The following SERPINA5 variants were observed in gnomAD, a reference collection of about 807,000 sequenced individuals.
SERPINA5 encodes plasma serine protease inhibitor.
SERPINA5 carries 25 observed loss-of-function variants against 25.3 expected under a neutral mutation model. That is an observed-to-expected ratio of 0.99 (90% confidence interval 0.72 to 1.38). The LOEUF (loss-of-function observed/expected upper bound fraction) is 1.38. Ranked by LOEUF, SERPINA5 falls within the 40% of genes most tolerant of loss-of-function variation. The probability of loss-of-function intolerance (pLI) is 0.00; values close to 1 mark genes in which losing one functional copy is unlikely to be tolerated. For synonymous variants in SERPINA5, 234 were observed against 206.2 expected (o/e 1.14, Z -1.16); for missense variants, 599 against 509.5 (o/e 1.18, Z -1.69).
At chr14:94,585,796 T>TGTGTGCGC (rs1555384392) in intron 2 of SERPINA5, among the ~76,000 whole-genome samples, 2 of 132,580 alleles carry the variant, frequency 1.5e-5, no homozygotes, top group Admixed American at 7.3e-5. Flanking sequence ...TGTGTGTGTG[T>TGTGTGCGC]GTGTGTGTAA....
chr14:94,588,763 G>A (rs1885180003), intron 3 of SERPINA5, among the ~76,000 whole-genome samples: 1 of 152,206 alleles, frequency 6.6e-6, no homozygotes, highest in Non-Finnish European at 1.5e-5. Context: ...AGGCTGAGAA[G>A]TCCAGGATCA....
chr14:94,584,633 G>A (rs61976073), intron 2 of SERPINA5, among the ~76,000 whole-genome samples: 7,811 of 152,238 alleles, frequency 0.051, 268 homozygotes, highest in Non-Finnish European at 0.078. Context: ...GGTGAGGCTT[G>A]CCCAGGGTGA....
chr14:94,590,222 C>T lies in SERPINA5; in HGVS notation c.801C>T (p.Phe267=), dbSNP rs1243892853. Residue 267 remains phenylalanine, a synonymous_variant, in exon 4 of 6, where the codon TTC becomes TTT. Transcript: ENST00000329597. The part of the protein sequence containing the change: ...VPYQGNATAL[F]ILPSEGKMQQ... ...ACCAAGGCAATGCCACGGCTTTGTTCATTCTCCCCAGTGAGGGAAAGATGC... is the reference window on the plus strand; with the variant it reads ...ACCAAGGCAATGCCACGGCTTTGTTTATTCTCCCCAGTGAGGGAAAGATGC... The T allele has an allele frequency of 1.2e-6, 2 of 1,614,028 alleles. No homozygotes were observed. Among genetic ancestry groups the T allele is most frequent in the South Asian group, 2.2e-5 (2 of 91,072 alleles).
intron 5 of SERPINA5, among the ~76,000 whole-genome samples, chr14:94,591,388 T>C (rs1034889622): frequency 4.6e-5 from 7 of 151,632 alleles, no homozygotes; most frequent in African/African-American, 7.3e-5. Flanking sequence ...TCCACTCCAC[T>C]CCACTCTATT....
intron 5 of SERPINA5, 70 bp downstream of exon 5, chr14:94,590,966 A>T: frequency 6.9e-7 from 1 of 1,444,816 alleles, no homozygotes; most frequent in Non-Finnish European, 9.3e-7. Flanking sequence ...ATTCTACTCT[A>T]CCCCATTTCA....
chr14:94,590,649 C>A, intron 4 of SERPINA5, 100 bp from the exon 5 acceptor site: 3 of 1,360,472 alleles, frequency 2.2e-6, no homozygotes, highest in Non-Finnish European at 3.0e-6. Flanking sequence ...TTTTTTAAAA[C>A]CATCAAAACT....
At chr14:94,587,281 T>G (rs1326371688) in intron 2 of SERPINA5, 65 bp from the exon 3 acceptor site, 1 of 1,422,076 alleles carries the variant, frequency 7.0e-7, no homozygotes, top group African/African-American at 1.4e-5. Context: ...GGTGGGGACA[T>G]CTCTGGAAAG....
intron 3 of SERPINA5, among the ~76,000 whole-genome samples, chr14:94,589,731 G>A (rs1043935983): frequency 5.3e-5 from 8 of 152,236 alleles, no homozygotes; most frequent in Non-Finnish European, 1.0e-4. Context: ...TTCACTTGGA[G>A]ATTTGGTCTT....
At chr14:94,591,449 C>T (rs1333369015) in intron 5 of SERPINA5, among the ~76,000 whole-genome samples, 3 of 151,770 alleles carry the variant, frequency 2.0e-5, no homozygotes, top group Non-Finnish European at 2.9e-5. Flanking sequence ...CCATTGCAGT[C>T]AACTCCACTC....
rs951725621 is a variant in SERPINA5, at chr14:94,592,662, C to A, written c.*423C>A. The A allele has an allele frequency of 6.9e-5, 11 of 160,122 alleles. No individual in the cohort carries two copies. Among genetic ancestry groups the A allele is most frequent in the African/African-American group, 2.4e-4 (10 of 41,790 alleles). The allele number at this position is 160,122 out of a possible 1,614,324, so 9.9% of individuals were successfully genotyped here. A position where few individuals can be genotyped will look rare whatever the true frequency, so the allele number is the denominator to read the frequency against. On this transcript the variant is annotated 3_prime_UTR_variant, in exon 6 of 6. Transcript: ENST00000329597. The stretch of plus-strand genomic sequence containing the variant: ...AGGCTGGTCCCACACTTATCAGCAG[C>A]AACAACTGTCAGTTCATCCTGCATG...
intron 2 of SERPINA5, among the ~76,000 whole-genome samples, chr14:94,582,830 A>C (rs1884956289): frequency 6.6e-6 from 1 of 152,228 alleles, no homozygotes; most frequent in Non-Finnish European, 1.5e-5. Flanking sequence ...CTTTGAGAGA[A>C]AGAGTCAAGG....
At position 94,590,764 on chromosome 14, in the gene SERPINA5, C is replaced by T; in HGVS notation, c.906C>T (p.Tyr302=). The T allele has an allele frequency of 1.9e-6, 3 of 1,613,932 alleles. No homozygotes were observed. The highest frequency in any genetic ancestry group is 2.5e-6 in the Non-Finnish European group (3 of 1,179,888). The change falls in exon 5 of 6, where the codon TAC becomes TAT. Residue 302 remains tyrosine, a synonymous_variant. Coordinates refer to ENST00000329597, the MANE Select transcript of SERPINA5 (RefSeq NM_000624.6). ...KMFKKRQLEL[Y]LPKFSIEGSY... is the part of the protein sequence containing the mutation. Reference sequence around the variant, plus strand: ...CCCTTTCCAGGCAGCTCGAGCTTTACCTTCCCAAATTCTCCATTGAGGGCT... The same window carrying T: ...CCCTTTCCAGGCAGCTCGAGCTTTATCTTCCCAAATTCTCCATTGAGGGCT...
In SERPINA5 at chr14:94,590,156, C is replaced by T. The variant is rs781469331; in HGVS notation, c.735C>T (p.Leu245=). ...GCCGCGAGGATCAGTATCACTACCT[C>T]CTGGACCGGAACCTCTCCTGCAGGG... ...MMSREDQYHY[L]LDRNLSCRVV... The change falls in exon 4 of 6, where the codon CTC becomes CTT. Residue 245 remains leucine (L), a synonymous_variant. Coordinates refer to ENST00000329597, the MANE Select transcript of SERPINA5 (RefSeq NM_000624.6). 37 of 1,614,088 alleles carry T rather than the reference C, an allele frequency of 2.3e-5. No homozygotes were observed. Among genetic ancestry groups the T allele is most frequent in the Non-Finnish European group, 2.8e-5 (33 of 1,180,038 alleles).
chr14:94,584,394 G>T (rs964190225), intron 2 of SERPINA5, among the ~76,000 whole-genome samples: 3 of 152,152 alleles, frequency 2.0e-5, no homozygotes, highest in African/African-American at 7.2e-5. Flanking sequence ...CTGAAAAGTA[G>T]AGAGAGTTGG....
rs146705260 is a variant in SERPINA5, at chr14:94,590,882, A to G, written c.1024A>G (p.Ile342Val). The change falls in exon 5 of 6, where the codon ATC becomes GTC. Residue 342 changes from isoleucine to valine, a missense_variant. Physicochemically the swap from Ile to Val is conservative, Grantham distance 29 (BLOSUM62 3). Coordinates refer to ENST00000329597, the MANE Select transcript of SERPINA5 (RefSeq NM_000624.6). ...DLSGISNHSNIQVSEMVHKAV... is the reference protein window; with the variant it reads ...DLSGISNHSNVQVSEMVHKAV... The stretch of plus-strand genomic sequence containing the variant: ...GTCCGGCATCAGCAACCACTCAAAT[A>G]TCCAGGTGTCTGAGGTGGGTTCAGA... 224 of 1,611,028 alleles carry G rather than the reference A, an allele frequency of 1.4e-4. 1 individual carries two copies. In the African/African-American group the frequency reaches 2.3e-3, roughly 17 times the overall value.
At chr14:94,591,539 A>ATTCTG (rs1247354365) in intron 5 of SERPINA5, among the ~76,000 whole-genome samples, 19 of 138,434 alleles carry the variant, frequency 1.4e-4, no homozygotes, top group East Asian at 8.5e-4. Context: ...CCACTCCTTT[A>ATTCTG]TTCTGTTCTG....
chr14:94,583,100 T>A (rs1264020890), intron 2 of SERPINA5, among the ~76,000 whole-genome samples: 1 of 152,124 alleles, frequency 6.6e-6, no homozygotes, highest in Admixed American at 6.5e-5. Context: ...CCAGGCCAGG[T>A]GCAGCCAGGT....
At chr14:94,584,156 A>C (rs1217208810) in intron 2 of SERPINA5, among the ~76,000 whole-genome samples, 1 of 152,186 alleles carries the variant, frequency 6.6e-6, no homozygotes, top group African/African-American at 2.4e-5. Context: ...AGCCACTCAG[A>C]GACAGGCTGT....
chr14:94,591,439 C>T (rs1274695479), intron 5 of SERPINA5, among the ~76,000 whole-genome samples: 1 of 151,776 alleles, frequency 6.6e-6, no homozygotes. Flanking sequence ...CTATTCCATT[C>T]CATTGCAGTC....
Sources: gnomAD v4.1 joint callset for allele counts (sites outside exome capture counted in the v4.1 genomes callset) on GRCh38, gnomAD v4.1.1 for gene constraint, MANE v1.5 for transcripts, NCBI Gene and HGNC (gene_info 2026-07-23, HGNC 2026-07-21) for gene names.